The following DGKB variants were observed in gnomAD, a reference collection of about 807,000 sequenced individuals.
DGKB encodes 90 kDa diacylglycerol kinase.
In DGKB, 67 loss-of-function variants were observed where a neutral mutation model predicts 114.3. The observed-to-expected ratio is 0.59, with a 90% CI of 0.48 to 0.72. DGKB has a LOEUF of 0.72. Among genes scored for constraint, DGKB ranks in the 30% least tolerant of loss-of-function variants. The probability of loss-of-function intolerance (pLI) is 0.00; values close to 1 mark genes in which losing one functional copy is unlikely to be tolerated. For synonymous variants in DGKB, 398 were observed against 323.1 expected, an observed-to-expected ratio of 1.23 and a Z score of -2.49; for missense variants, 907 against 975.2, an observed-to-expected ratio of 0.93 and a Z score of 0.93.
At chr7:14,233,406 G>T (rs79261688) in intron 23 of DGKB, among the ~76,000 whole-genome samples, 1 of 152,116 alleles carries the variant, frequency 6.6e-6, no homozygotes, top group African/African-American at 2.4e-5. Flanking sequence ...TTTCATGCCA[G>T]TGTCCTTTGT....
At chr7:14,585,692 G>C (rs1432927256) in intron 17 of DGKB, among the ~76,000 whole-genome samples, 1 of 152,110 alleles carries the variant, frequency 6.6e-6, no homozygotes, top group Non-Finnish European at 1.5e-5. Context: ...GAATGTCTGT[G>C]GCAACTCTGC....
chr7:14,825,887 T>C (rs1426334985), intron 2 of DGKB, among the ~76,000 whole-genome samples: 6 of 152,156 alleles, frequency 3.9e-5, no homozygotes, highest in Non-Finnish European at 8.8e-5. Context: ...TGATAAACTA[T>C]TAGGAGGAGG....
intron 21 of DGKB, among the ~76,000 whole-genome samples, chr7:14,423,913 T>A (rs1257348131): frequency 6.6e-6 from 1 of 152,116 alleles, no homozygotes; most frequent in Admixed American, 6.6e-5. Flanking sequence ...TATCATTTAG[T>A]TGTCTTCTAC....
At chr7:14,391,851 G>A (rs529917136) in intron 21 of DGKB, among the ~76,000 whole-genome samples, 2 of 152,100 alleles carry the variant, frequency 1.3e-5, no homozygotes, top group African/African-American at 2.4e-5. Context: ...CTAAAATTGC[G>A]TTGGAATGAT....
At chr7:14,577,093 A>G (rs896880504) in intron 19 of DGKB, among the ~76,000 whole-genome samples, 2 of 152,214 alleles carry the variant, frequency 1.3e-5, no homozygotes, top group Admixed American at 6.5e-5. Context: ...AGACAAATCA[A>G]ATCCACTAAA....
Position 14,202,302 on chromosome 7 carries a change from A to T in DGKB, c.2123-24151T>A, listed in dbSNP as rs117016334. On this transcript the variant is annotated intron_variant, in intron 23 of 25. Coordinates refer to ENST00000402815, the MANE Select transcript of DGKB (RefSeq NM_001350709.2). Reference sequence around the variant, plus strand: ...GTCAGAGAAGATGAATGGTTTGCTCACAGTAATTCAGCAGTGTCTAGAGTT... The same window carrying T: ...GTCAGAGAAGATGAATGGTTTGCTCTCAGTAATTCAGCAGTGTCTAGAGTT... 4.9e-3 allele frequency among the ~76,000 whole-genome samples: 738 copies of T among 152,138 alleles called. 3 individuals are homozygous for T. Among genetic ancestry groups the T allele is most frequent in the Non-Finnish European group, 8.7e-3 (589 of 67,956 alleles).
rs546576885 is a variant in DGKB, at chr7:14,401,412, T to C, written c.1836-56021A>G. 1.8e-3 allele frequency among the ~76,000 whole-genome samples: 269 copies of C among 152,052 alleles called. 1 individual carries two copies. The highest frequency in any genetic ancestry group is 0.01 in the Middle Eastern group (3 of 294). On this transcript the variant is annotated intron_variant, in intron 21 of 25. Coordinates refer to ENST00000402815, the MANE Select transcript of DGKB (RefSeq NM_001350709.2). Reference sequence around the variant, plus strand: ...CAGTAAATAAAAGAGAAACATGTTATGATGTTAAGCCAGTGCACTGCTTGG... The same window carrying C: ...CAGTAAATAAAAGAGAAACATGTTACGATGTTAAGCCAGTGCACTGCTTGG...
intron 2 of DGKB, among the ~76,000 whole-genome samples, chr7:14,800,528 A>G (rs1231399371): frequency 2.0e-5 from 3 of 152,184 alleles, no homozygotes; most frequent in African/African-American, 7.2e-5. Context: ...TCAGGCTCCA[A>G]GTTCTTCAGA....
intron 24 of DGKB, among the ~76,000 whole-genome samples, chr7:14,177,116 T>C (rs921335897): frequency 2.6e-5 from 4 of 152,236 alleles, no homozygotes; most frequent in African/African-American, 7.2e-5. Flanking sequence ...GTAAGTGTAG[T>C]GACATTTAAA....
intron 21 of DGKB, among the ~76,000 whole-genome samples, chr7:14,350,323 T>A (rs944217344): frequency 2.6e-5 from 4 of 152,138 alleles, no homozygotes; most frequent in Admixed American, 6.6e-5. Context: ...TTCCTTGGAA[T>A]TTTTCTTCCT....
At chr7:14,922,156 A>G (rs577551996) in intron 1 of DGKB, among the ~76,000 whole-genome samples, 43 of 152,262 alleles carry the variant, frequency 2.8e-4, no homozygotes, top group African/African-American at 1.0e-3. Context: ...ATGGAAAGAA[A>G]AGCAAGATGG....
chr7:14,322,208 G>A (rs1339735489), intron 23 of DGKB, among the ~76,000 whole-genome samples: 1 of 152,120 alleles, frequency 6.6e-6, no homozygotes, highest in Non-Finnish European at 1.5e-5. Flanking sequence ...GGCTGTTTCT[G>A]TGGTACAGTG....
At chr7:14,661,987 T>G (rs540048222) in intron 13 of DGKB, among the ~76,000 whole-genome samples, 1 of 152,008 alleles carries the variant, frequency 6.6e-6, no homozygotes, top group African/African-American at 2.4e-5. Flanking sequence ...TTCTCACTCA[T>G]AGGTGGGAAA....
chr7:14,863,930 T>G (rs1851344486), intron 1 of DGKB, among the ~76,000 whole-genome samples: 1 of 151,926 alleles, frequency 6.6e-6, no homozygotes, highest in African/African-American at 2.4e-5. Flanking sequence ...AGAAACCCCA[T>G]CTCTACTAAA....
intron 17 of DGKB, among the ~76,000 whole-genome samples, chr7:14,604,905 G>T (rs780803215): frequency 6.6e-6 from 1 of 152,154 alleles, no homozygotes; most frequent in Admixed American, 6.6e-5. Context: ...TAGGGATGCA[G>T]TGTGGGCATC....
intron 1 of DGKB, among the ~76,000 whole-genome samples, chr7:14,949,232 T>C (rs923027627): frequency 6.6e-6 from 1 of 151,902 alleles, no homozygotes; most frequent in African/African-American, 2.4e-5. Flanking sequence ...ACATAAGCAA[T>C]AAGATGCTAA....
intron 6 of DGKB, among the ~76,000 whole-genome samples, chr7:14,704,524 A>T (rs1825827529): frequency 6.6e-6 from 1 of 151,898 alleles, no homozygotes. Flanking sequence ...TCCGGTCTAC[A>T]GCTCCCAGCG....
intron 23 of DGKB, among the ~76,000 whole-genome samples, chr7:14,250,141 T>A (rs867481736): frequency 0.011 from 1,666 of 149,708 alleles, 31 homozygotes; most frequent in African/African-American, 0.038. Flanking sequence ...TATTTTTTTT[T>A]TTTTTTTGGT....
chr7:14,574,746 C>T (rs1405134912), intron 19 of DGKB, among the ~76,000 whole-genome samples: 4 of 152,162 alleles, frequency 2.6e-5, no homozygotes, highest in African/African-American at 9.7e-5. Flanking sequence ...ATCCTCTACC[C>T]AGCTGCTAAA....
Sources: gnomAD v4.1 joint callset for allele counts (sites outside exome capture counted in the v4.1 genomes callset) on GRCh38, gnomAD v4.1.1 for gene constraint, MANE v1.5 for transcripts, NCBI Gene and HGNC (gene_info 2026-07-23, HGNC 2026-07-21) for gene names.